Variants in SYNDIG1 observed in about 807,000 individuals in gnomAD.
SYNDIG1 encodes synapse differentiation-inducing gene protein 1.
A neutral mutation model predicts 19.4 loss-of-function variants in SYNDIG1; 9 were observed. The ratio of observed to expected loss-of-function variants is 0.46; its 90% CI spans 0.28 to 0.81. The LOEUF is 0.81. SYNDIG1 is among the 30% of genes least tolerant of loss of function. The pLI is 0.12. For missense variants in SYNDIG1, 311 were observed against 343.3 expected (o/e 0.91, Z 0.74); for synonymous variants, 141 against 145.9 (o/e 0.97, Z 0.24).
intron 1 of SYNDIG1, among the ~76,000 whole-genome samples, chr20:24,491,297 G>A (rs980136958): frequency 2.0e-5 from 3 of 152,216 alleles, no homozygotes; most frequent in African/African-American, 4.8e-5. Context: ...GGAGAACAGA[G>A]GTCTGTACAG....
intron 1 of SYNDIG1, among the ~76,000 whole-genome samples, chr20:24,498,185 T>C: frequency 6.6e-6 from 1 of 152,220 alleles, no homozygotes; most frequent in African/African-American, 2.4e-5. Flanking sequence ...TTGAGGAGTT[T>C]GGACCTCAGT....
chr20:24,636,198 C>T (rs529895485), intron 3 of SYNDIG1, among the ~76,000 whole-genome samples: 31 of 152,288 alleles, frequency 2.0e-4, no homozygotes, highest in African/African-American at 7.5e-4. Context: ...GAAAGCTTAA[C>T]TTCTTTTCAT....
intron 1 of SYNDIG1, among the ~76,000 whole-genome samples, chr20:24,542,374 T>C (rs1013122467): frequency 1.3e-5 from 2 of 152,200 alleles, no homozygotes; most frequent in Non-Finnish European, 2.9e-5. Flanking sequence ...AAATGCAGAT[T>C]CTGATTTAGT....
At chr20:24,537,111 C>G (rs894831245) in intron 1 of SYNDIG1, among the ~76,000 whole-genome samples, 1 of 152,134 alleles carries the variant, frequency 6.6e-6, no homozygotes, top group Non-Finnish European at 1.5e-5. Flanking sequence ...CTATGAGCCT[C>G]TAAATGAGAC....
chr20:24,541,254 T>C (rs1391661921), intron 1 of SYNDIG1, among the ~76,000 whole-genome samples: 1 of 152,174 alleles, frequency 6.6e-6, no homozygotes, highest in East Asian at 1.9e-4. Context: ...AGTAAAAAAA[T>C]GTATATGTGT....
At chr20:24,540,963 G>T (rs2057457124) in intron 1 of SYNDIG1, among the ~76,000 whole-genome samples, 1 of 152,132 alleles carries the variant, frequency 6.6e-6, no homozygotes, top group African/African-American at 2.4e-5. Flanking sequence ...GTTTGAGAAG[G>T]ACTGGTATTA....
chr20:24,498,299 A>G (rs921679771), intron 1 of SYNDIG1, among the ~76,000 whole-genome samples: 5 of 152,240 alleles, frequency 3.3e-5, no homozygotes, highest in Non-Finnish European at 7.3e-5. Context: ...TATTAGTAGT[A>G]GTATTTGTGA....
intron 1 of SYNDIG1, among the ~76,000 whole-genome samples, chr20:24,510,483 C>A (rs1256954692): frequency 2.0e-5 from 3 of 150,322 alleles, no homozygotes; most frequent in African/African-American, 7.3e-5. Flanking sequence ...GCAGGAGAAT[C>A]TCTTGAACCC....
intron 2 of SYNDIG1, among the ~76,000 whole-genome samples, chr20:24,550,121 G>T (rs1263402726): frequency 6.6e-6 from 1 of 152,146 alleles, no homozygotes; most frequent in African/African-American, 2.4e-5. Flanking sequence ...AGATATCCAG[G>T]CTTGAGGATG....
intron 1 of SYNDIG1, among the ~76,000 whole-genome samples, chr20:24,519,680 G>A (rs1399538314): frequency 6.6e-6 from 1 of 152,114 alleles, no homozygotes; most frequent in Non-Finnish European, 1.5e-5. Flanking sequence ...ACAGAGAATG[G>A]CAGCCATGTG....
At chr20:24,574,114 C>T (rs2058188462) in intron 2 of SYNDIG1, among the ~76,000 whole-genome samples, 1 of 152,110 alleles carries the variant, frequency 6.6e-6, no homozygotes, top group African/African-American at 2.4e-5. Flanking sequence ...TTGCTGAGAT[C>T]ACCTCCCAAA....
At chr20:24,612,357 G>A (rs2058862496) in intron 3 of SYNDIG1, among the ~76,000 whole-genome samples, 1 of 152,162 alleles carries the variant, frequency 6.6e-6, no homozygotes, top group African/African-American at 2.4e-5. Context: ...GTGCCCCCGA[G>A]TCCTGAGTCT....
At chr20:24,494,379 G>A (rs1460528325) in intron 1 of SYNDIG1, among the ~76,000 whole-genome samples, 1 of 152,166 alleles carries the variant, frequency 6.6e-6, no homozygotes, top group Non-Finnish European at 1.5e-5. Context: ...GTGACTGTGG[G>A]AGTGGATGGC....
At chr20:24,645,991 C>A (rs1365582309) in intron 3 of SYNDIG1, among the ~76,000 whole-genome samples, 1 of 152,128 alleles carries the variant, frequency 6.6e-6, no homozygotes, top group Non-Finnish European at 1.5e-5. Context: ...GATCATGTAA[C>A]CTTGTCCCAC....
intron 2 of SYNDIG1, among the ~76,000 whole-genome samples, chr20:24,571,602 C>A (rs1326673505): frequency 3.9e-5 from 6 of 152,120 alleles, no homozygotes; most frequent in Non-Finnish European, 8.8e-5. Context: ...CTGTAGTCTT[C>A]AAACTGTAAC....
intron 2 of SYNDIG1, among the ~76,000 whole-genome samples, chr20:24,570,340 A>G (rs2058122007): frequency 6.6e-6 from 1 of 152,260 alleles, no homozygotes; most frequent in Admixed American, 6.5e-5. Context: ...TCTGCAAAAA[A>G]ACACTGTCAA....
intron 1 of SYNDIG1, among the ~76,000 whole-genome samples, chr20:24,514,596 C>A (rs1315643433): frequency 6.6e-6 from 1 of 152,078 alleles, no homozygotes; most frequent in Non-Finnish European, 1.5e-5. Flanking sequence ...ATATATGCAC[C>A]CAATACAGGA....
At chr20:24,655,950 C>T (rs1367314185) in intron 3 of SYNDIG1, among the ~76,000 whole-genome samples, 4 of 152,208 alleles carry the variant, frequency 2.6e-5, no homozygotes, top group African/African-American at 9.7e-5. Context: ...GGGTGAGTCT[C>T]ACACCCAGAG....
intron 3 of SYNDIG1, among the ~76,000 whole-genome samples, chr20:24,624,198 A>G (rs1262548970): frequency 2.7e-5 from 4 of 149,580 alleles, no homozygotes; most frequent in African/African-American, 4.9e-5. Flanking sequence ...GGAGCTTGCA[A>G]TGAGCCGAGA....
Sources: allele counts gnomAD v4.1 joint callset (sites outside exome capture counted in the v4.1 genomes callset), GRCh38; gene constraint gnomAD v4.1.1; transcripts MANE v1.5; gene names NCBI Gene and HGNC (gene_info 2026-07-23, HGNC 2026-07-21).